Variants in AUTS2 observed in about 807,000 individuals in gnomAD.
The protein encoded by AUTS2 is autism susceptibility gene 2 protein.
In AUTS2, 17 loss-of-function variants were observed where a neutral mutation model predicts 112.4. The ratio of observed to expected loss-of-function variants is 0.15; its 90% confidence interval spans 0.10 to 0.23. The LOEUF (loss-of-function observed/expected upper bound fraction) is 0.23, where lower values mean the gene tolerates loss of function less well. Ranked by LOEUF, AUTS2 falls within the 10% of genes least tolerant of loss-of-function variation. The pLI is 1.00. For synonymous variants in AUTS2, 751 were observed against 702.7 expected (o/e 1.07, Z -1.09); for missense variants, 1,510 against 1,701.6 (o/e 0.89, Z 1.98).
rs528009205 is a variant in AUTS2, at chr7:70,108,783, CAAAAAAAA to C, written c.523-9325_523-9318del. Among the ~76,000 whole-genome samples, 238 of 69,104 alleles carry C rather than the reference CAAAAAAAA, an allele frequency of 3.4e-3. 1 individual carries two copies. The highest frequency in any genetic ancestry group is 0.013 in the African/African-American group (235 of 18,466). The allele number at this position is 69,104 out of a possible 152,430, so 45.3% of individuals were successfully genotyped here. The stretch of plus-strand genomic sequence containing the variant: ...TTCCAGACCAGCCTGGCCAACATGG[CAAAAAAAA>C]AAAAAAAAAAAAAAAAAAAAAAATA... On this transcript the variant is annotated intron_variant, in intron 2 of 18. Coordinates refer to ENST00000342771, the MANE Select transcript of AUTS2 (RefSeq NM_015570.4).
At chr7:70,598,835 G>C (rs987144118) in intron 5 of AUTS2, among the ~76,000 whole-genome samples, 1 of 152,124 alleles carries the variant, frequency 6.6e-6, no homozygotes, top group Admixed American at 6.5e-5. Context: ...TCTGAAGTCA[G>C]CCTGAACAGA....
At chr7:69,695,101 T>C (rs1450864163) in intron 1 of AUTS2, among the ~76,000 whole-genome samples, 1 of 152,024 alleles carries the variant, frequency 6.6e-6, no homozygotes, top group African/African-American at 2.4e-5. Flanking sequence ...GGTGGGAGGA[T>C]TGCTTGAGCC....
At chr7:70,215,539 G>A (rs531943535) in intron 4 of AUTS2, among the ~76,000 whole-genome samples, 1 of 152,232 alleles carries the variant, frequency 6.6e-6, no homozygotes, top group East Asian at 1.9e-4. Context: ...AGAATGTTTT[G>A]GAATGTTTGG....
intron 1 of AUTS2, among the ~76,000 whole-genome samples, chr7:69,634,350 G>C (rs993336874): frequency 6.6e-6 from 1 of 151,980 alleles, no homozygotes; most frequent in Non-Finnish European, 1.5e-5. Flanking sequence ...TCGATCTCCT[G>C]ACCTCGTGAT....
chr7:70,299,321 C>G (rs1355590841), intron 4 of AUTS2, among the ~76,000 whole-genome samples: 1 of 152,180 alleles, frequency 6.6e-6, no homozygotes, highest in Non-Finnish European at 1.5e-5. Flanking sequence ...TATTTACTCT[C>G]ACACATGATG....
chr7:69,650,444 T>A (rs944103212), intron 1 of AUTS2, among the ~76,000 whole-genome samples: 1 of 152,184 alleles, frequency 6.6e-6, no homozygotes, highest in African/African-American at 2.4e-5. Flanking sequence ...ATCTTAGCAG[T>A]AGGATTCCTG....
intron 1 of AUTS2, among the ~76,000 whole-genome samples, chr7:69,696,109 T>G (rs17140817): frequency 1.3e-5 from 2 of 152,190 alleles, no homozygotes; most frequent in Admixed American, 1.3e-4. Flanking sequence ...TTCACTTTTC[T>G]TTTTGCGATT....
chr7:69,735,791 T>A (rs1787004062), intron 1 of AUTS2, among the ~76,000 whole-genome samples: 1 of 152,232 alleles, frequency 6.6e-6, no homozygotes, highest in Admixed American at 6.5e-5. Flanking sequence ...TTTGCTGCTG[T>A]AGACAGCCAG....
chr7:70,643,122 T>A (rs4718973), intron 5 of AUTS2, among the ~76,000 whole-genome samples: 79,975 of 152,140 alleles, frequency 0.53, 21,654 homozygotes, highest in African/African-American at 0.65. Context: ...CCTCCACAGA[T>A]TCCAAGATTA....
chr7:70,165,345 C>T (rs751237074), intron 4 of AUTS2, among the ~76,000 whole-genome samples: 14 of 152,112 alleles, frequency 9.2e-5, no homozygotes, highest in Non-Finnish European at 1.8e-4. Context: ...TGAAGAAAAG[C>T]ATACCTACGT....
rs772682261 is a variant in AUTS2 at position 69,899,442 on chromosome 7, C to A, written c.466C>A (p.Arg156Ser). ...CTACAGCTCAGATCGAGAAAATGAC[C>A]GCAATCTCTGCCAGCACCTTGGGAA... Reference protein sequence around the residue: ...HHYSSDRENDRNLCQHLGKRK... With the variant: ...HHYSSDRENDSNLCQHLGKRK... The change falls in exon 2 of 19, where the codon CGC becomes AGC. Residue 156 changes from arginine (R) to serine (S), a missense_variant. Coordinates refer to ENST00000342771, the MANE Select transcript of AUTS2 (RefSeq NM_015570.4). 1 of 1,613,948 alleles carries A rather than the reference C, an allele frequency of 6.2e-7. No individual in the cohort carries two copies. Among genetic ancestry groups the A allele is most frequent in the Non-Finnish European group, 8.5e-7 (1 of 1,179,862 alleles).
intron 1 of AUTS2, among the ~76,000 whole-genome samples, chr7:69,807,258 G>A (rs761380212): frequency 7.9e-5 from 12 of 151,918 alleles, no homozygotes; most frequent in Non-Finnish European, 1.8e-4. Flanking sequence ...TTTACTACAT[G>A]TCACCAAGAT....
intron 1 of AUTS2, among the ~76,000 whole-genome samples, chr7:69,628,442 G>T (rs1794066352): frequency 6.6e-6 from 1 of 152,164 alleles, no homozygotes; most frequent in Non-Finnish European, 1.5e-5. Context: ...GAATTTAGAG[G>T]AAGTTTATAA....
intron 4 of AUTS2, among the ~76,000 whole-genome samples, chr7:70,152,000 G>A (rs1054291822): frequency 6.6e-6 from 1 of 152,184 alleles, no homozygotes; most frequent in South Asian, 2.1e-4. Flanking sequence ...TAGTATAAGA[G>A]CAAAATTGAA....
intron 1 of AUTS2, among the ~76,000 whole-genome samples, chr7:69,786,509 C>T (rs554852278): frequency 1.6e-4 from 25 of 152,332 alleles, no homozygotes; most frequent in African/African-American, 5.5e-4. Flanking sequence ...AGTGGCAACC[C>T]GCTTGGGTCC....
intron 5 of AUTS2, among the ~76,000 whole-genome samples, chr7:70,645,081 T>C (rs1215254206): frequency 1.3e-5 from 2 of 152,222 alleles, no homozygotes; most frequent in Non-Finnish European, 1.5e-5. Context: ...ATAATTGAGT[T>C]GGAAATACTA....
intron 4 of AUTS2, among the ~76,000 whole-genome samples, chr7:70,165,555 A>G (rs1384433920): frequency 6.6e-6 from 1 of 152,202 alleles, no homozygotes; most frequent in African/African-American, 2.4e-5. Flanking sequence ...GTATCCAGGA[A>G]AAATATATTG....
At chr7:70,214,612 C>A (rs1231515670) in intron 4 of AUTS2, among the ~76,000 whole-genome samples, 5 of 152,136 alleles carry the variant, frequency 3.3e-5, no homozygotes, top group Non-Finnish European at 5.9e-5. Flanking sequence ...TTGAATAATA[C>A]ATACTCCCCG....
intron 5 of AUTS2, among the ~76,000 whole-genome samples, chr7:70,586,977 A>G (rs1363230169): frequency 6.6e-6 from 1 of 152,246 alleles, no homozygotes; most frequent in Non-Finnish European, 1.5e-5. Flanking sequence ...TGAGTAGTTT[A>G]GGTCTAATTC....
Sources: allele counts gnomAD v4.1 joint callset (sites outside exome capture counted in the v4.1 genomes callset), GRCh38; gene constraint gnomAD v4.1.1; transcripts MANE v1.5; gene names NCBI Gene and HGNC (gene_info 2026-07-23, HGNC 2026-07-21).